The following CENPI variants were observed in gnomAD, a reference collection of about 807,000 sequenced individuals.
The protein encoded by CENPI is centromere protein I, also known as FSH primary response 1.
CENPI carries 4 observed loss-of-function variants against 60.4 expected under a neutral mutation model. The ratio of observed to expected loss-of-function variants is 0.07; its 90% CI spans 0.03 to 0.15. CENPI has a LOEUF of 0.15. Ranked by LOEUF, CENPI falls within the 10% of genes least tolerant of loss-of-function variation. The probability of loss-of-function intolerance (pLI) is 1.00; values close to 1 mark genes in which losing one functional copy is unlikely to be tolerated. For missense variants in CENPI, 444 were observed against 534.5 expected (o/e 0.83, Z 1.67); for synonymous variants, 157 against 189.4 (o/e 0.83, Z 1.40).
intron 20 of CENPI, among the ~76,000 whole-genome samples, chrX:101,154,628 A>T (rs1188579198): frequency 9.0e-6 from 1 of 111,673 alleles, no homozygotes. Context: ...ATTCTGATAG[A>T]TAATGGCTTG....
At chrX:101,122,480 A>G (rs1268312489) in intron 8 of CENPI, among the ~76,000 whole-genome samples, 1 of 111,738 alleles carries the variant, frequency 8.9e-6, no homozygotes, top group Non-Finnish European at 1.9e-5. Flanking sequence ...ATTTTTGTCC[A>G]ATTTGAATTT....
At chrX:101,160,854 C>T (rs778240788) in intron 20 of CENPI, among the ~76,000 whole-genome samples, 2 of 111,437 alleles carry the variant, frequency 1.8e-5, no homozygotes, top group East Asian at 5.6e-4. Flanking sequence ...CACTGTACCA[C>T]ATAGATATGT....
intron 15 of CENPI, among the ~76,000 whole-genome samples, chrX:101,136,777 C>T (rs1265393865): frequency 1.8e-5 from 2 of 111,742 alleles, no homozygotes; most frequent in Non-Finnish European, 3.8e-5. Flanking sequence ...GAGTTGCAAA[C>T]ATAGTGGACA....
In CENPI at chrX:101,163,293, G is replaced by C. The variant is rs2090126814; in HGVS notation, c.*326G>C. 1 of 189,239 alleles carries C rather than the reference G, an allele frequency of 5.3e-6. No homozygotes were observed. Among genetic ancestry groups the C allele is most frequent in the South Asian group, 1.1e-4 (1 of 9,464 alleles). The allele number at this position is 189,239 out of a possible 1,213,427, so 15.6% of individuals were successfully genotyped here. ...GGTACTATGAGCTGCATTGATGGAA[G>C]ACAGCAGGCAATATGTGGTGACAGT... On this transcript the variant is annotated 3_prime_UTR_variant, in exon 22 of 22. Transcript: ENST00000682095.
intron 15 of CENPI, among the ~76,000 whole-genome samples, chrX:101,139,464 A>T (rs2148218079): frequency 8.9e-6 from 1 of 112,431 alleles, no homozygotes; most frequent in Non-Finnish European, 1.9e-5. Flanking sequence ...AAAATAAAAT[A>T]TTAAAAAAAG....
Position 101,101,256 on chromosome X carries a change from A to G in CENPI, c.186A>G (p.Glu62=). The G allele has an allele frequency of 8.3e-7, 1 of 1,208,785 alleles. No individual in the cohort carries two copies. The highest frequency in any genetic ancestry group is 1.1e-6 in the Non-Finnish European group (1 of 892,646). Residue 62 remains glutamate (E), a synonymous_variant, in exon 3 of 22, where the codon GAA becomes GAG. Transcript: ENST00000682095. ...ATGAACATGCTGATGATCAAGCTGA[A>G]GAAGATGCTTTGCAAATGGCAGTGG... The part of the protein sequence containing the change: ...GDYEHADDQA[E]EDALQMAVGY...
chrX:101,105,392 C>T (rs1027286895), intron 4 of CENPI, among the ~76,000 whole-genome samples: 5 of 110,882 alleles, frequency 4.5e-5, no homozygotes, highest in African/African-American at 1.3e-4. Context: ...GGCGTGGTGT[C>T]GGGCGCCTGT....
the CENPI span, among the ~76,000 whole-genome samples, chrX:101,172,629 T>C: frequency 2.7e-5 from 3 of 111,839 alleles, no homozygotes; most frequent in African/African-American, 6.5e-5. Context: ...CTGATCGGGA[T>C]AGTTGGCAGG....
In CENPI at chrX:101,147,689, TA is replaced by T. The variant is rs1005454541; in HGVS notation, c.1827-71del. On this transcript the variant is annotated intron_variant, in intron 18 of 21. Transcript: ENST00000682095. ...TTACATTTAAAATGTATGTTTTTTT[TA>T]AATTTTACCATTTCAAAGGCATTAT... The T allele has an allele frequency of 3.0e-4, 240 of 802,818 alleles. 1 individual carries two copies. The highest frequency in any genetic ancestry group is 1.2e-4 in the Admixed American group (4 of 33,790). The allele number at this position is 802,818 out of a possible 1,213,427, so 66.2% of individuals were successfully genotyped here.
At chrX:101,168,825 G>C (rs760393238), downstream of CENPI, among the ~76,000 whole-genome samples, 5 of 112,042 alleles carry the variant, frequency 4.5e-5, no homozygotes, top group East Asian at 1.4e-3. Flanking sequence ...TCCTGGAGTA[G>C]AGAGTATCGT....
intron 20 of CENPI, among the ~76,000 whole-genome samples, chrX:101,159,789 T>C (rs904516508): frequency 3.6e-5 from 4 of 111,647 alleles, no homozygotes; most frequent in African/African-American, 1.3e-4. Context: ...ACTTGAGCAG[T>C]TGGGTTGATG....
At chrX:101,131,009 A>G in intron 13 of CENPI, among the ~76,000 whole-genome samples, 1 of 110,801 alleles carries the variant, frequency 9.0e-6, no homozygotes, top group East Asian at 2.8e-4. Flanking sequence ...GTTTTTTTTT[A>G]GACAAGGTCT....
At position 101,132,422 on chromosome X, in the gene CENPI, C is replaced by T. The variant is rs150608940; in HGVS notation, c.1436C>T (p.Ala479Val). 9.1e-6 allele frequency: 11 copies of T among 1,208,063 alleles called. No homozygotes were observed. In the African/African-American group the frequency reaches 1.0e-4, roughly 12 times the overall value. Residue 479 changes from alanine (A) to valine (V), a missense_variant, in exon 15 of 22, where the codon GCG becomes GTG. Coordinates refer to ENST00000682095, the MANE Select transcript of CENPI (RefSeq NM_001386188.2). ...AAACCACTTCTTTTTGACCATCTAGCGCAGCTCTTCTTTACATCAACCATT... is the reference window on the plus strand; with the variant it reads ...AAACCACTTCTTTTTGACCATCTAGTGCAGCTCTTCTTTACATCAACCATT... ...EVKPLLFDHL[A>V]QLFFTSTIYF...
chrX:101,128,890 A>G, intron 12 of CENPI, 54 bp downstream of exon 12: 1 of 1,093,964 alleles, frequency 9.1e-7, no homozygotes, highest in Non-Finnish European at 1.3e-6. Context: ...TTTCTTTTAT[A>G]AGGGTGCCAA....
chrX:101,102,665 G>A (rs1423699913), intron 4 of CENPI, among the ~76,000 whole-genome samples: 1 of 106,371 alleles, frequency 9.4e-6, no homozygotes, highest in East Asian at 3.0e-4. Context: ...CTGGCTCGAG[G>A]GGGATGTTGT....
At chrX:101,135,261 C>A (rs1156907241) in intron 15 of CENPI, among the ~76,000 whole-genome samples, 1 of 110,759 alleles carries the variant, frequency 9.0e-6, no homozygotes, top group Non-Finnish European at 1.9e-5. Context: ...AGTCAAGGAA[C>A]TGTGAAGCTG....
chrX:101,103,288 C>T lies in CENPI; in HGVS notation c.364+877C>T, dbSNP rs1267884641. Among the ~76,000 whole-genome samples, 4 of 111,455 alleles carry T rather than the reference C, an allele frequency of 3.6e-5. No homozygotes were observed. The East Asian group carries it at 8.5e-4, about 24-fold the overall frequency. On this transcript the variant is annotated intron_variant, in intron 4 of 21. Transcript: ENST00000682095. ...GGATTACAGGTGTGAGCCACTGCGC[C>T]CAGCCTGGGATGCTTTTGTCATCAC... is the stretch of plus-strand genomic sequence containing the variant.
intron 6 of CENPI, among the ~76,000 whole-genome samples, chrX:101,112,077 G>A (rs2089560369): frequency 9.0e-6 from 1 of 111,612 alleles, no homozygotes; most frequent in African/African-American, 3.3e-5. Context: ...TACAGACTTG[G>A]GTACTTGGAA....
At chrX:101,130,137 T>C (rs1486592570) in intron 13 of CENPI, 64 bp downstream of exon 13, 20 of 844,407 alleles carry the variant, frequency 2.4e-5, no homozygotes, top group Non-Finnish European at 3.5e-5. Flanking sequence ...TAGATATCCA[T>C]TGAAAACCTT....
Sources: gnomAD v4.1 joint callset for allele counts (sites outside exome capture counted in the v4.1 genomes callset) on GRCh38, gnomAD v4.1.1 for gene constraint, MANE v1.5 for transcripts, NCBI Gene and HGNC (gene_info 2026-07-23, HGNC 2026-07-21) for gene names.